Variants in DPYD observed in about 807,000 individuals in gnomAD.
The protein encoded by DPYD is dihydropyrimidine dehydrogenase, also known as dihydropyrimidine dehydrogenase [NADP(+)].
DPYD carries 109 observed loss-of-function variants against 116.2 expected under a neutral mutation model. The observed-to-expected ratio is 0.94, with a 90% CI of 0.80 to 1.10. The LOEUF is 1.10. Ranked by LOEUF, DPYD falls within the 50% of genes least tolerant of loss-of-function variation. The pLI is 0.00. For missense variants in DPYD, 1,302 were observed against 1,254.5 expected (o/e 1.04, Z -0.57); for synonymous variants, 440 against 432.0 (o/e 1.02, Z -0.23).
intron 12 of DPYD, among the ~76,000 whole-genome samples, chr1:97,527,720 A>G (rs976162213): frequency 2.6e-5 from 4 of 151,636 alleles, no homozygotes; most frequent in African/African-American, 9.7e-5. Context: ...TGTTGTTGGG[A>G]AAAAGTAACT....
chr1:97,910,842 C>T (rs1392566961), intron 1 of DPYD, among the ~76,000 whole-genome samples: 2 of 152,052 alleles, frequency 1.3e-5, no homozygotes, highest in Non-Finnish European at 2.9e-5. Context: ...GTTGTGATCT[C>T]ATGATACATT....
intron 16 of DPYD, among the ~76,000 whole-genome samples, chr1:97,370,017 G>C (rs1915313): frequency 0.26 from 39,258 of 152,080 alleles, 5,286 homozygotes; most frequent in South Asian, 0.43. Context: ...TTTATCCACT[G>C]TATCATTGAT....
At chr1:97,516,520 G>A (rs540062729) in intron 12 of DPYD, among the ~76,000 whole-genome samples, 1 of 152,142 alleles carries the variant, frequency 6.6e-6, no homozygotes, top group Non-Finnish European at 1.5e-5. Context: ...TTTGGAAAGT[G>A]GGTAGTGTTC....
At chr1:97,146,666 T>TTG (rs1475577998) in intron 20 of DPYD, among the ~76,000 whole-genome samples, 1 of 152,174 alleles carries the variant, frequency 6.6e-6, no homozygotes, top group Non-Finnish European at 1.5e-5. Flanking sequence ...GGAACCTTTT[T>TTG]TGTGTGTGTG....
chr1:97,806,200 G>T (rs982909088), intron 3 of DPYD, among the ~76,000 whole-genome samples: 1 of 151,764 alleles, frequency 6.6e-6, no homozygotes, highest in African/African-American at 2.4e-5. Context: ...CAAAAATCAA[G>T]TTTCAAAATA....
At chr1:97,439,819 AC>A (rs1557712625) in intron 14 of DPYD, among the ~76,000 whole-genome samples, 1 of 151,624 alleles carries the variant, frequency 6.6e-6, no homozygotes, top group Non-Finnish European at 1.5e-5. Context: ...TTAACTTGAG[AC>A]TTTTTTTCAT....
chr1:97,156,805 G>C, intron 20 of DPYD, among the ~76,000 whole-genome samples: 1 of 152,076 alleles, frequency 6.6e-6, no homozygotes, highest in East Asian at 1.9e-4. Context: ...CTGCTATAAA[G>C]ACACATGCAC....
chr1:97,700,997 A>C (rs1202754722), intron 5 of DPYD, among the ~76,000 whole-genome samples: 1 of 151,150 alleles, frequency 6.6e-6, no homozygotes, highest in Non-Finnish European at 1.5e-5. Context: ...CAAAGAAACA[A>C]ATGGTAAGAT....
At chr1:97,838,610 C>T (rs1209328695) in intron 2 of DPYD, among the ~76,000 whole-genome samples, 1 of 151,650 alleles carries the variant, frequency 6.6e-6, no homozygotes, top group Non-Finnish European at 1.5e-5. Flanking sequence ...CTTTGGGAGG[C>T]CGAGGCGGGT....
At chr1:97,603,181 T>C (rs141832068) in intron 8 of DPYD, among the ~76,000 whole-genome samples, 1,991 of 152,200 alleles carry the variant, frequency 0.013, 23 homozygotes, top group Middle Eastern at 0.024. Context: ...ATTTTTTTTC[T>C]TAATGATTGG....
chr1:97,826,804 C>G (rs1669264963), intron 3 of DPYD, among the ~76,000 whole-genome samples: 1 of 151,968 alleles, frequency 6.6e-6, no homozygotes, highest in Admixed American at 6.6e-5. Flanking sequence ...TACAAATTCT[C>G]TATTGTGTAC....
chr1:97,642,958 T>C (rs1385651597), intron 8 of DPYD, among the ~76,000 whole-genome samples: 1 of 151,716 alleles, frequency 6.6e-6, no homozygotes, highest in Non-Finnish European at 1.5e-5. Flanking sequence ...AAGACCGAAA[T>C]ATAAAATCTA....
chr1:97,179,629 G>A (rs1357035095), intron 20 of DPYD, among the ~76,000 whole-genome samples: 1 of 152,108 alleles, frequency 6.6e-6, no homozygotes, highest in Non-Finnish European at 1.5e-5. Flanking sequence ...AGGCTTCAGG[G>A]CACTTCCAGT....
chr1:97,768,050 G>A (rs1467824842), intron 3 of DPYD, among the ~76,000 whole-genome samples: 1 of 152,062 alleles, frequency 6.6e-6, no homozygotes, highest in Non-Finnish European at 1.5e-5. Flanking sequence ...AGTTTACAAT[G>A]CTCAAGTAAA....
rs142604211 is a variant in DPYD, at chr1:97,565,081, T to C, written c.1339+8679A>G. On this transcript the variant is annotated intron_variant, in intron 11 of 22. Transcript: ENST00000370192. Reference sequence around the variant, plus strand: ...AACTTGAGAGCTGCCCATCTGAGCATAGGTTCTCAGTCGCCCCTGATACTG... The same window carrying C: ...AACTTGAGAGCTGCCCATCTGAGCACAGGTTCTCAGTCGCCCCTGATACTG... Among the ~76,000 whole-genome samples the C allele has an allele frequency of 8.3e-4, 127 of 152,236 alleles. 1 individual carries two copies. The highest frequency in any genetic ancestry group is 2.8e-3 in the African/African-American group (118 of 41,548).
chr1:97,440,159 C>G (rs1433752267), intron 14 of DPYD, among the ~76,000 whole-genome samples: 1 of 151,506 alleles, frequency 6.6e-6, no homozygotes, highest in African/African-American at 2.4e-5. Context: ...CCTGTAATCC[C>G]AACTACTCGG....
intron 14 of DPYD, among the ~76,000 whole-genome samples, chr1:97,398,012 T>C (rs1198520994): frequency 2.6e-5 from 4 of 151,964 alleles, no homozygotes; most frequent in Admixed American, 2.6e-4. Context: ...TTGTTACATA[T>C]GTATACATGT....
intron 21 of DPYD, among the ~76,000 whole-genome samples, chr1:97,096,510 T>A (rs1570446801): frequency 6.6e-6 from 1 of 152,294 alleles, no homozygotes. Flanking sequence ...CTGGACTTCC[T>A]GGGTCCAGTG....
intron 17 of DPYD, 66 bp downstream of exon 17, chr1:97,306,111 A>G (rs1667144197): frequency 2.5e-6 from 4 of 1,608,386 alleles, no homozygotes. Flanking sequence ...GACATACTTG[A>G]GTATGGCTAC....
Sources: allele counts gnomAD v4.1 joint callset (sites outside exome capture counted in the v4.1 genomes callset), GRCh38; gene constraint gnomAD v4.1.1; transcripts MANE v1.5; gene names NCBI Gene and HGNC (gene_info 2026-07-23, HGNC 2026-07-21).